MTPN: variants seen among roughly 807,000 people sequenced by gnomAD.
The protein encoded by MTPN is myotrophin.
A neutral mutation model predicts 13.5 loss-of-function variants in MTPN; 2 were observed. The ratio of observed to expected loss-of-function variants is 0.15; its 90% CI spans 0.06 to 0.47. The LOEUF (loss-of-function observed/expected upper bound fraction) is 0.47. Among genes scored for constraint, MTPN ranks in the 20% least tolerant of loss-of-function variants. MTPN has a pLI of 0.97. For missense variants in MTPN, 79 were observed against 137.9 expected (o/e 0.57, Z 2.14); for synonymous variants, 46 against 51.7 (o/e 0.89, Z 0.48).
intron 3 of MTPN, among the ~76,000 whole-genome samples, chr7:135,947,185 TCA>T (rs1799299021): frequency 6.6e-6 from 1 of 152,188 alleles, no homozygotes; most frequent in African/African-American, 2.4e-5. Flanking sequence ...TTCTTGCATC[TCA>T]GTCTTTCCTT....
rs2073069919 is a variant in MTPN, at chr7:135,927,615, G to T, written c.*2311C>A. 3.0e-6 allele frequency: 2 copies of T among 671,366 alleles called. No individual in the cohort carries two copies. The highest frequency in any genetic ancestry group is 5.5e-6 in the Non-Finnish European group (2 of 362,272). The allele number at this position is 671,366 out of a possible 1,614,324, so 41.6% of individuals were successfully genotyped here. ...AACATTAAGTGTTGTGAATTTGTCT[G>T]CCAAGTGGTTCAGAAATACATTATA... On this transcript the variant is annotated 3_prime_UTR_variant, in exon 4 of 4. Coordinates refer to ENST00000393085, the MANE Select transcript of MTPN (RefSeq NM_145808.4).
chr7:135,957,060 A>C (rs1004680150), intron 1 of MTPN, among the ~76,000 whole-genome samples: 3 of 152,186 alleles, frequency 2.0e-5, no homozygotes, highest in African/African-American at 7.2e-5. Flanking sequence ...TTTCATTGCA[A>C]CATGAAGTCT....
intron 1 of MTPN, among the ~76,000 whole-genome samples, chr7:135,975,623 C>T (rs1028937978): frequency 2.0e-5 from 3 of 152,178 alleles, no homozygotes; most frequent in African/African-American, 7.2e-5. Context: ...AACCTAGGTT[C>T]CACCATGACA....
intron 3 of MTPN, among the ~76,000 whole-genome samples, chr7:135,946,604 C>T (rs996299477): frequency 5.3e-5 from 8 of 151,898 alleles, no homozygotes; most frequent in Non-Finnish European, 8.8e-5. Flanking sequence ...GGCATGCCTT[C>T]GCAAAAAGGG....
chr7:135,960,431 G>A (rs1799503391), intron 1 of MTPN, among the ~76,000 whole-genome samples: 1 of 151,938 alleles, frequency 6.6e-6, no homozygotes, highest in African/African-American at 2.4e-5. Flanking sequence ...CCAGCACTAG[G>A]ATTCTTCTAG....
At chr7:135,965,683 G>A (rs1799593740) in intron 1 of MTPN, among the ~76,000 whole-genome samples, 1 of 152,110 alleles carries the variant, frequency 6.6e-6, no homozygotes, top group Non-Finnish European at 1.5e-5. Context: ...AGTGGAAGTT[G>A]CTGTTATACT....
In MTPN at chr7:135,927,135, T is replaced by C. The variant is rs1798932007; in HGVS notation, c.*2791A>G. Reference sequence around the variant, plus strand: ...GAAAACAGCAGCTCAACTGAAATATTAGAAAAAAAAATCAAACAGATACAT... The same window carrying C: ...GAAAACAGCAGCTCAACTGAAATATCAGAAAAAAAAATCAAACAGATACAT... On this transcript the variant is annotated 3_prime_UTR_variant, in exon 4 of 4. Coordinates refer to ENST00000393085, the MANE Select transcript of MTPN (RefSeq NM_145808.4). 1.7e-6 allele frequency: 1 copy of C among 575,288 alleles called. No individual in the cohort carries two copies. The highest frequency in any genetic ancestry group is 1.9e-5 in the African/African-American group (1 of 51,940). 35.6% of individuals were successfully genotyped at this position (575,288 alleles called of 1,614,324 possible).
At chr7:135,969,616 A>G (rs1263076619) in intron 1 of MTPN, among the ~76,000 whole-genome samples, 3 of 152,142 alleles carry the variant, frequency 2.0e-5, no homozygotes, top group Non-Finnish European at 4.4e-5. Flanking sequence ...GTTCCAGAAG[A>G]GCAAATTTAT....
intron 3 of MTPN, among the ~76,000 whole-genome samples, chr7:135,942,366 C>T (rs2116360056): frequency 1.3e-5 from 2 of 152,292 alleles, no homozygotes; most frequent in South Asian, 4.1e-4. Context: ...TTGCTGAGAA[C>T]TCATGATGTG....
At chr7:135,942,945 A>G (rs188559157) in intron 3 of MTPN, among the ~76,000 whole-genome samples, 1 of 152,360 alleles carries the variant, frequency 6.6e-6, no homozygotes, top group Non-Finnish European at 1.5e-5. Flanking sequence ...ATACTTGTGT[A>G]TGAGATTTGT....
At chr7:135,939,669 TC>T (rs1799178199) in intron 3 of MTPN, among the ~76,000 whole-genome samples, 1 of 145,280 alleles carries the variant, frequency 6.9e-6, no homozygotes, top group South Asian at 2.3e-4. Flanking sequence ...GGACTGCACA[TC>T]TTCAGACTTT....
intron 3 of MTPN, among the ~76,000 whole-genome samples, chr7:135,937,395 A>G (rs1252825040): frequency 6.8e-6 from 1 of 147,882 alleles, no homozygotes; most frequent in Non-Finnish European, 1.5e-5. Context: ...ACACACACAC[A>G]CACACAAAAC....
intron 1 of MTPN, among the ~76,000 whole-genome samples, chr7:135,968,711 C>T (rs1023209075): frequency 4.1e-5 from 6 of 145,088 alleles, no homozygotes; most frequent in South Asian, 4.3e-4. Flanking sequence ...ACAGATCACA[C>T]GATCCCAGCA....
intron 1 of MTPN, among the ~76,000 whole-genome samples, chr7:135,962,245 G>C (rs2116395316): frequency 6.6e-6 from 1 of 151,734 alleles, no homozygotes; most frequent in South Asian, 2.1e-4. Flanking sequence ...CAATTAATTA[G>C]ATTAGATTAA....
At chr7:135,955,124 A>G (rs1799422968) in intron 1 of MTPN, among the ~76,000 whole-genome samples, 1 of 152,180 alleles carries the variant, frequency 6.6e-6, no homozygotes, top group South Asian at 2.1e-4. Flanking sequence ...ACAGAAAAAA[A>G]TCCTTGTCAG....
At chr7:135,959,467 C>CATGG (rs1799490821) in intron 1 of MTPN, among the ~76,000 whole-genome samples, 1 of 152,112 alleles carries the variant, frequency 6.6e-6, no homozygotes, top group Non-Finnish European at 1.5e-5. Context: ...GAAACCTATA[C>CATGG]ATGGGTGGGT....
intron 1 of MTPN, among the ~76,000 whole-genome samples, chr7:135,959,737 T>A (rs1799494591): frequency 6.6e-6 from 1 of 151,970 alleles, no homozygotes; most frequent in Non-Finnish European, 1.5e-5. Flanking sequence ...CCCCACTGAG[T>A]TATTTGCTTT....
intron 1 of MTPN, among the ~76,000 whole-genome samples, chr7:135,969,268 T>TTTCTAGTA (rs1799656964): frequency 6.8e-6 from 1 of 146,996 alleles, no homozygotes; most frequent in African/African-American, 2.5e-5. Context: ...AAAAAAAGAA[T>TTTCTAGTA]GTCAGAAATT....
chr7:135,955,841 T>TA (rs34554274), intron 1 of MTPN, among the ~76,000 whole-genome samples: 36,745 of 145,388 alleles, frequency 0.25, 4,768 homozygotes, highest in East Asian at 0.33. Flanking sequence ...CAATGGATTA[T>TA]AAAAAAAAAA....
Sources: allele counts gnomAD v4.1 joint callset (sites outside exome capture counted in the v4.1 genomes callset), GRCh38; gene constraint gnomAD v4.1.1; transcripts MANE v1.5; gene names NCBI Gene and HGNC (gene_info 2026-07-23, HGNC 2026-07-21).